Variants in NUP210L observed in about 807,000 individuals in gnomAD.
NUP210L encodes nuclear pore membrane glycoprotein 210-like.
A neutral mutation model predicts 208.5 loss-of-function variants in NUP210L; 74 were observed. The ratio of observed to expected loss-of-function variants is 0.35; its 90% confidence interval spans 0.29 to 0.43. The LOEUF is 0.43. Among genes scored for constraint, NUP210L ranks in the 20% least tolerant of loss-of-function variants. The pLI is 1.00. For missense variants in NUP210L, 1,843 were observed against 2,289.4 expected (o/e 0.81, Z 3.98); for synonymous variants, 780 against 816.9 (o/e 0.95, Z 0.77).
At chr1:153,995,379 TAA>T (rs1256594343) in intron 37 of NUP210L, among the ~76,000 whole-genome samples, 199 bp from the exon 38 acceptor site, 2 of 152,162 alleles carry the variant, frequency 1.3e-5, no homozygotes, top group Admixed American at 6.5e-5. Flanking sequence ...AAAATAGTAA[TAA>T]GAGTATCTGC....
At chr1:154,045,311 A>G (rs879898742) in intron 27 of NUP210L, among the ~76,000 whole-genome samples, 4 of 152,090 alleles carry the variant, frequency 2.6e-5, no homozygotes, top group Non-Finnish European at 5.9e-5. Flanking sequence ...TAATGTAATC[A>G]CCCAGCATGT....
intron 16 of NUP210L, among the ~76,000 whole-genome samples, 192 bp downstream of exon 16, chr1:154,089,229 G>A (rs1655777013): frequency 6.6e-6 from 1 of 152,168 alleles, no homozygotes. Context: ...CTTGTGCACT[G>A]TTGGTAAGAA....
rs753298593 is a variant in NUP210L, at chr1:154,000,993, GC to G, written c.5248del (p.Ala1750ProfsTer5). ...GTTGACCACTCTTACAGAGTAAATGGCCAGGCCAGGAGTGAGGGGAGAGTGG... is the reference window on the plus strand; with the variant it reads ...GTTGACCACTCTTACAGAGTAAATGGCAGGCCAGGAGTGAGGGGAGAGTGG... On this transcript the variant is annotated frameshift_variant, in exon 37 of 40. Coordinates refer to ENST00000368559, the Ensembl canonical transcript of NUP210L. LOFTEE classifies it high-confidence loss of function. The G allele has an allele frequency of 6.2e-7, 1 of 1,614,160 alleles. No individual in the cohort carries two copies. The highest frequency in any genetic ancestry group is 1.7e-5 in the Admixed American group (1 of 60,012).
chr1:154,024,622 C>T (rs1276170323), intron 30 of NUP210L, among the ~76,000 whole-genome samples: 6 of 151,572 alleles, frequency 4.0e-5, no homozygotes, highest in African/African-American at 9.7e-5. Context: ...CTCCTAGGTT[C>T]GTGTGATCCT....
chr1:154,104,305 T>C (rs1407118393), intron 12 of NUP210L, 95 bp from the exon 13 acceptor site: 6 of 908,964 alleles, frequency 6.6e-6, no homozygotes, highest in African/African-American at 3.3e-5. Flanking sequence ...CCTCCAGTGA[T>C]TGTCCTCCCT....
chr1:154,022,344 C>A lies in NUP210L; in HGVS notation c.4299-1G>T. The A allele has an allele frequency of 6.2e-7, 1 of 1,611,606 alleles. No homozygotes were observed. The highest frequency in any genetic ancestry group is 1.1e-5 in the South Asian group (1 of 91,016). On this transcript the variant is annotated splice_acceptor_variant, in intron 31 of 39. Transcript: ENST00000368559. LOFTEE classifies it high-confidence loss of function. ...TGGTCCAATATGCAGCAAGTCATCT[C>A]TGCAAGTAGACATTAAAGGTAGAAA...
At chr1:153,996,201 A>C (rs1228506893) in intron 37 of NUP210L, among the ~76,000 whole-genome samples, 1 of 152,082 alleles carries the variant, frequency 6.6e-6, no homozygotes, top group Non-Finnish European at 1.5e-5. Context: ...CTGAGGCAGA[A>C]GAATGGCGTG....
intron 32 of NUP210L, 54 bp from the exon 33 acceptor site, chr1:154,019,123 T>C: frequency 6.3e-7 from 1 of 1,582,806 alleles, no homozygotes; most frequent in East Asian, 2.2e-5. Context: ...TAAATCACTC[T>C]GGACTTATTC....
intron 35 of NUP210L, among the ~76,000 whole-genome samples, chr1:154,005,010 C>T (rs146150006): frequency 4.1e-4 from 62 of 150,902 alleles, no homozygotes; most frequent in Non-Finnish European, 7.5e-4. Context: ...TGTGCCACCA[C>T]GCCCAGTTAG....
At chr1:154,101,373 G>A (rs187673975) in intron 13 of NUP210L, among the ~76,000 whole-genome samples, 2 of 152,192 alleles carry the variant, frequency 1.3e-5, no homozygotes, top group South Asian at 2.1e-4. Context: ...CTACTTGGGA[G>A]GCTGAGGCAG....
chr1:154,017,297 AGG>A, intron 33 of NUP210L, among the ~76,000 whole-genome samples: 1 of 146,622 alleles, frequency 6.8e-6, no homozygotes, highest in Non-Finnish European at 1.5e-5. Context: ...AAAAAAAAAA[AGG>A]GGGGGGCTCA....
At chr1:154,060,039 G>A (rs1654054373) in intron 20 of NUP210L, among the ~76,000 whole-genome samples, 2 of 152,112 alleles carry the variant, frequency 1.3e-5, no homozygotes, top group Admixed American at 6.6e-5. Flanking sequence ...AAGAGTTCAA[G>A]ACCAGCCTGG....
At chr1:154,133,768 A>C (rs907090728) in intron 7 of NUP210L, among the ~76,000 whole-genome samples, 2 of 151,796 alleles carry the variant, frequency 1.3e-5, no homozygotes, top group African/African-American at 4.8e-5. Context: ...TTGAGCCTGG[A>C]GTTTACAGGT....
At chr1:154,074,295 C>A (rs749740351) in intron 16 of NUP210L, among the ~76,000 whole-genome samples, 1 of 152,044 alleles carries the variant, frequency 6.6e-6, no homozygotes, top group Non-Finnish European at 1.5e-5. Flanking sequence ...AGGAGGATTA[C>A]AAAATCATAA....
chr1:154,083,383 C>T (rs1386467983), intron 16 of NUP210L, among the ~76,000 whole-genome samples: 2 of 152,184 alleles, frequency 1.3e-5, no homozygotes, highest in Admixed American at 6.5e-5. Context: ...CAAGTCCCCA[C>T]CAGACCCAGA....
At chr1:154,131,443 T>G (rs535459930) in intron 7 of NUP210L, among the ~76,000 whole-genome samples, 17 of 152,246 alleles carry the variant, frequency 1.1e-4, no homozygotes, top group Admixed American at 7.9e-4. Context: ...ATTCCAAATC[T>G]CATTTTCTGT....
At chr1:154,043,534 G>C (rs368020273) in intron 27 of NUP210L, among the ~76,000 whole-genome samples, 2 of 147,816 alleles carry the variant, frequency 1.4e-5, no homozygotes, top group Admixed American at 6.8e-5. Flanking sequence ...GGCTGGTCTC[G>C]AACTCCCAAA....
At chr1:154,091,501 CTTTTTTT>C (rs772608860) in intron 15 of NUP210L, among the ~76,000 whole-genome samples, 2 of 124,636 alleles carry the variant, frequency 1.6e-5, no homozygotes, top group South Asian at 2.5e-4. Flanking sequence ...CTTTTCTTTT[CTTTTTTT>C]TTTTTTTTTT....
chr1:154,025,572 T>G (rs758001849), exon 30 of NUP210L: 66 of 1,612,462 alleles, frequency 4.1e-5, no homozygotes, highest in Middle Eastern at 1.6e-4. Context: ...TTTGGTTGAC[T>G]CCAAAAGGTT....
Sources: gnomAD v4.1 joint callset for allele counts (sites outside exome capture counted in the v4.1 genomes callset) on GRCh38, gnomAD v4.1.1 for gene constraint, MANE v1.5 for transcripts, NCBI Gene and HGNC (gene_info 2026-07-23, HGNC 2026-07-21) for gene names.